Variants in EVA1A observed in about 807,000 individuals in gnomAD.
EVA1A encodes eva-1 homolog A, regulator of programmed cell death, also known as protein eva-1 homolog A.
Under a neutral mutation model 9.8 loss-of-function variants are expected in EVA1A, and 7 were observed. The ratio of observed to expected loss-of-function variants is 0.71; its 90% CI spans 0.41 to 1.34. The LOEUF (loss-of-function observed/expected upper bound fraction) is 1.34. Ranked by LOEUF, EVA1A falls within the 40% of genes most tolerant of loss-of-function variation. The probability of loss-of-function intolerance (pLI) is 0.01; values close to 1 mark genes in which losing one functional copy is unlikely to be tolerated. For synonymous variants in EVA1A, 90 were observed against 85.6 expected (o/e 1.05, Z -0.28); for missense variants, 206 against 205.9 (o/e 1.00, Z 0.00).
Position 75,513,879 on chromosome 2 carries a change from C to T in EVA1A, c.85+4177G>A, listed in dbSNP as rs77165629. On this transcript the variant is annotated intron_variant, in intron 3 of 3. Coordinates refer to ENST00000393913, the MANE Select transcript of EVA1A (RefSeq NM_001135032.2). ...ACTTCTTACTATGTGGGTAAGATAA[C>T]GTCTATGTGTTTAGGCCACCAAGTT... is the stretch of plus-strand genomic sequence containing the variant. Among the ~76,000 whole-genome samples the T allele has an allele frequency of 3.4e-3, 518 of 152,242 alleles. 5 individuals are homozygous for T. Among genetic ancestry groups the T allele is most frequent in the African/African-American group, 0.012 (508 of 41,548 alleles).
At position 75,492,963 on chromosome 2, in the gene EVA1A, T is replaced by C; in HGVS notation, c.*273A>G. 2.3e-6 allele frequency: 1 copy of C among 431,722 alleles called. No homozygotes were observed. Among genetic ancestry groups the C allele is most frequent in the South Asian group, 4.7e-5 (1 of 21,056 alleles). The allele number at this position is 431,722 out of a possible 1,614,324, so 26.7% of individuals were successfully genotyped here. On this transcript the variant is annotated 3_prime_UTR_variant, in exon 4 of 4. Coordinates refer to ENST00000393913, the MANE Select transcript of EVA1A (RefSeq NM_001135032.2). ...CCTCAGAAATCAAGAGAAACCACAG[T>C]CGCGTTTCTCCGATCTCCATCCACA...
intron 1 of EVA1A, 82 bp from the exon 2 acceptor site, chr2:75,522,569 C>T (rs1675269812): frequency 6.6e-6 from 1 of 152,184 alleles, no homozygotes; most frequent in African/African-American, 2.4e-5. Flanking sequence ...TGTGTGTGAA[C>T]CCAGCAGAGA....
chr2:75,518,934 T>G (rs1414325194), intron 2 of EVA1A: 15 of 895,188 alleles, frequency 1.7e-5, no homozygotes, highest in African/African-American at 1.8e-5. Context: ...GAGCTCGAGC[T>G]GCTCCCTGCC....
chr2:75,518,654 C>G, intron 2 of EVA1A: 1 of 987,738 alleles, frequency 1.0e-6, no homozygotes. Context: ...TTCTGGAACT[C>G]TTTATTTGAT....
chr2:75,563,826 G>C (rs1449772704), upstream of EVA1A, among the ~76,000 whole-genome samples: 1 of 152,172 alleles, frequency 6.6e-6, no homozygotes, highest in Non-Finnish European at 1.5e-5. Flanking sequence ...CACAAAATAA[G>C]TTGTCTTTGA....
chr2:75,513,370 T>C (rs771890427), intron 3 of EVA1A, among the ~76,000 whole-genome samples: 1 of 152,234 alleles, frequency 6.6e-6, no homozygotes, highest in Non-Finnish European at 1.5e-5. Context: ...TCTAGACTTA[T>C]TCATCCCAGA....
intron 1 of EVA1A, among the ~76,000 whole-genome samples, chr2:75,533,249 AG>A (rs1675741091): frequency 6.6e-6 from 1 of 152,148 alleles, no homozygotes; most frequent in Non-Finnish European, 1.5e-5. Context: ...TCCTAGCTAT[AG>A]GGAAAAAACA....
In EVA1A at chr2:75,544,257, C is replaced by T. The variant is rs186220825; in HGVS notation, c.-192+16423G>A. On this transcript the variant is annotated intron_variant, in intron 1 of 3. Transcript: ENST00000393913. ...CACTACCATCACCCTGGCCCCCTAG[C>T]GCCATGCTCAATTAAAGGCCAGGAA... Among the ~76,000 whole-genome samples the T allele has an allele frequency of 5.3e-5, 8 of 152,306 alleles. No individual in the cohort carries two copies. The East Asian group carries it at 7.7e-4, about 15-fold the overall frequency.
At chr2:75,508,267 C>T (rs539065664) in intron 3 of EVA1A, among the ~76,000 whole-genome samples, 2 of 152,218 alleles carry the variant, frequency 1.3e-5, no homozygotes, top group African/African-American at 4.8e-5. Flanking sequence ...ACCTGAAACT[C>T]TGACTGCCGG....
chr2:75,569,710 A>C (rs544651174), exon 1 of EVA1A: 1 of 152,334 alleles, frequency 6.6e-6, no homozygotes, highest in Non-Finnish European at 1.5e-5. Flanking sequence ...CAGTTTCACA[A>C]ACAGGTTATG....
intron 1 of EVA1A, chr2:75,542,748 C>CT (rs764753796): frequency 4.6e-5 from 7 of 152,162 alleles, no homozygotes; most frequent in Non-Finnish European, 1.0e-4. Flanking sequence ...AAATAAGGCC[C>CT]TTACAGATTC....
chr2:75,507,984 T>C (rs1344285792), intron 3 of EVA1A, among the ~76,000 whole-genome samples: 5 of 152,206 alleles, frequency 3.3e-5, no homozygotes, highest in Non-Finnish European at 7.3e-5. Context: ...TTATAATTTC[T>C]TATGCCTCTC....
chr2:75,560,640 C>A (rs1676891851), intron 1 of EVA1A, 40 bp downstream of exon 1: 1 of 264 alleles, frequency 3.8e-3, no homozygotes, highest in Admixed American at 0.12. Context: ...GGATGCCGGG[C>A]GCCCCCAGAG....
chr2:75,521,828 T>C (rs1299196543), intron 2 of EVA1A, among the ~76,000 whole-genome samples: 1 of 152,192 alleles, frequency 6.6e-6, no homozygotes, highest in Non-Finnish European at 1.5e-5. Context: ...ACGAATTTTG[T>C]TATATGTATT....
At chr2:75,531,797 C>T (rs536854581) in intron 1 of EVA1A, among the ~76,000 whole-genome samples, 1 of 152,190 alleles carries the variant, frequency 6.6e-6, no homozygotes, top group African/African-American at 2.4e-5. Context: ...AAAGACTATA[C>T]ATTGGGTACA....
chr2:75,557,922 T>C (rs1420154327), intron 1 of EVA1A, among the ~76,000 whole-genome samples: 1 of 152,254 alleles, frequency 6.6e-6, no homozygotes, highest in Non-Finnish European at 1.5e-5. Context: ...TAGCAAACCT[T>C]ATCTCACATT....
intron 1 of EVA1A, among the ~76,000 whole-genome samples, chr2:75,533,648 T>A (rs1675760481): frequency 6.6e-6 from 1 of 151,952 alleles, no homozygotes; most frequent in Non-Finnish European, 1.5e-5. Context: ...TGAATGTATA[T>A]AAAGGAAGCC....
upstream of EVA1A, among the ~76,000 whole-genome samples, chr2:75,561,618 A>G (rs1676925066): frequency 6.6e-6 from 1 of 152,140 alleles, no homozygotes; most frequent in Non-Finnish European, 1.5e-5. Context: ...ATAGGGGAAG[A>G]GTGCAGGGAG....
At chr2:75,511,145 CA>C (rs1558675643) in intron 3 of EVA1A, among the ~76,000 whole-genome samples, 1 of 152,116 alleles carries the variant, frequency 6.6e-6, no homozygotes, top group Admixed American at 6.5e-5. Context: ...TGTCAAAGTT[CA>C]AAAGTTTGAA....
Sources: allele counts gnomAD v4.1 joint callset (sites outside exome capture counted in the v4.1 genomes callset), GRCh38; gene constraint gnomAD v4.1.1; transcripts MANE v1.5; gene names NCBI Gene and HGNC (gene_info 2026-07-23, HGNC 2026-07-21).